GLIS3: variants seen among roughly 807,000 people sequenced by gnomAD.
The protein encoded by GLIS3 is GLIS family zinc finger 3.
GLIS3 carries 53 observed loss-of-function variants against 78.6 expected under a neutral mutation model. That is an observed-to-expected ratio of 0.67 (90% CI 0.54 to 0.85). The LOEUF (loss-of-function observed/expected upper bound fraction) is 0.85, where lower values mean the gene tolerates loss of function less well. Among genes scored for constraint, GLIS3 ranks in the 40% least tolerant of loss-of-function variants. The pLI is 0.00. For synonymous variants in GLIS3, 684 were observed against 509.9 expected, an observed-to-expected ratio of 1.34 and a Z score of -4.60; for missense variants, 1,703 against 1,231.1, an observed-to-expected ratio of 1.38 and a Z score of -5.74.
chr9:4,461,006 G>C, the GLIS3 span, among the ~76,000 whole-genome samples: 1 of 152,086 alleles, frequency 6.6e-6, no homozygotes, highest in African/African-American at 2.4e-5. Context: ...AATTTTTAAA[G>C]ACTACTAAGA....
chr9:3,862,929 C>G (rs374779799), intron 8 of GLIS3, among the ~76,000 whole-genome samples: 35 of 151,942 alleles, frequency 2.3e-4, no homozygotes, highest in African/African-American at 8.0e-4. Context: ...TTTTATTTCC[C>G]CAAAGAATTG....
At chr9:3,866,039 G>A (rs769735476) in intron 8 of GLIS3, among the ~76,000 whole-genome samples, 7 of 152,288 alleles carry the variant, frequency 4.6e-5, no homozygotes, top group Non-Finnish European at 7.4e-5. Context: ...GATTGTGGAG[G>A]TGGAAGAAGA....
At chr9:4,130,506 T>C (rs537165824) in intron 2 of GLIS3, among the ~76,000 whole-genome samples, 2 of 152,338 alleles carry the variant, frequency 1.3e-5, no homozygotes, top group African/African-American at 4.8e-5. Flanking sequence ...CCAGCAGCTC[T>C]AGCTCCAGTC....
At chr9:4,218,299 T>C (rs1821028848) in intron 2 of GLIS3, among the ~76,000 whole-genome samples, 1 of 152,224 alleles carries the variant, frequency 6.6e-6, no homozygotes, top group East Asian at 1.9e-4. Context: ...CTTTTTTTTT[T>C]TTGAGATGGA....
At chr9:4,281,719 C>T (rs1230395768) in intron 2 of GLIS3, among the ~76,000 whole-genome samples, 1 of 152,130 alleles carries the variant, frequency 6.6e-6, no homozygotes, top group Non-Finnish European at 1.5e-5. Context: ...ACATGGGTGT[C>T]AAAAGTACTT....
chr9:3,939,841 C>T (rs1033919096), intron 4 of GLIS3, among the ~76,000 whole-genome samples: 1 of 152,182 alleles, frequency 6.6e-6, no homozygotes, highest in African/African-American at 2.4e-5. Context: ...GAAGAATTCA[C>T]TTGCAGGAAC....
intron 2 of GLIS3, among the ~76,000 whole-genome samples, chr9:4,150,298 A>G (rs1007818188): frequency 6.6e-6 from 1 of 152,242 alleles, no homozygotes. Flanking sequence ...GCAGAGTCCA[A>G]CCAGCCACTG....
intron 2 of GLIS3, among the ~76,000 whole-genome samples, chr9:4,165,882 C>T (rs1835848174): frequency 6.6e-6 from 1 of 152,100 alleles, no homozygotes; most frequent in South Asian, 2.1e-4. Context: ...TGGGAATCTC[C>T]AATGTTTGGG....
At chr9:4,275,718 G>A (rs370438589) in intron 2 of GLIS3, among the ~76,000 whole-genome samples, 7 of 152,144 alleles carry the variant, frequency 4.6e-5, no homozygotes, top group East Asian at 1.9e-4. Context: ...AGCTATGATC[G>A]TGCTACTGCA....
At chr9:4,448,730 G>C in the GLIS3 span, among the ~76,000 whole-genome samples, 1 of 152,282 alleles carries the variant, frequency 6.6e-6, no homozygotes, top group African/African-American at 2.4e-5. Context: ...ATGTCCTTTT[G>C]ATCCCTAGCA....
chr9:4,033,292 CAA>C (rs1824006857), intron 4 of GLIS3, among the ~76,000 whole-genome samples: 1 of 152,094 alleles, frequency 6.6e-6, no homozygotes, highest in Non-Finnish European at 1.5e-5. Flanking sequence ...CTCCCTCACC[CAA>C]AACAGCTGTC....
the GLIS3 span, among the ~76,000 whole-genome samples, chr9:4,415,265 C>A: frequency 2.0e-5 from 3 of 152,298 alleles, no homozygotes; most frequent in Admixed American, 2.0e-4. Context: ...TGGTTAAGTT[C>A]TCAGCCTCAT....
intron 8 of GLIS3, among the ~76,000 whole-genome samples, chr9:3,877,596 G>C (rs1821402701): frequency 6.6e-6 from 1 of 151,988 alleles, no homozygotes; most frequent in East Asian, 1.9e-4. Flanking sequence ...CACTCTTTTT[G>C]TATTTTTCAG....
At chr9:3,834,699 T>C (rs1818246891) in intron 9 of GLIS3, among the ~76,000 whole-genome samples, 1 of 152,254 alleles carries the variant, frequency 6.6e-6, no homozygotes, top group South Asian at 2.1e-4. Context: ...TTAGATTTTT[T>C]AATACATCTA....
chr9:4,001,892 A>T (rs903762229), intron 4 of GLIS3, among the ~76,000 whole-genome samples: 8 of 152,288 alleles, frequency 5.3e-5, no homozygotes, highest in Admixed American at 5.2e-4. Flanking sequence ...TAATACTAGC[A>T]TTCTCCCATA....
intron 2 of GLIS3, among the ~76,000 whole-genome samples, chr9:4,336,512 A>AG (rs5896063): frequency 0.98 from 148,861 of 152,172 alleles, 72,900 homozygotes; most frequent in South Asian, 1. Flanking sequence ...TGTTGATATC[A>AG]CCCTTTCTCT....
intron 6 of GLIS3, among the ~76,000 whole-genome samples, chr9:3,928,150 C>T (rs954720441): frequency 1.7e-4 from 26 of 152,190 alleles, no homozygotes; most frequent in African/African-American, 5.1e-4. Flanking sequence ...CATCACTCTC[C>T]GTCACGTGCA....
chr9:4,211,133 T>A (rs1217293022), intron 2 of GLIS3, among the ~76,000 whole-genome samples: 1 of 152,210 alleles, frequency 6.6e-6, no homozygotes, highest in Non-Finnish European at 1.5e-5. Flanking sequence ...TCTAGCTCCA[T>A]CCTGACCACA....
At chr9:4,192,860 A>C (rs1266991188) in intron 2 of GLIS3, among the ~76,000 whole-genome samples, 1 of 152,196 alleles carries the variant, frequency 6.6e-6, no homozygotes, top group Non-Finnish European at 1.5e-5. Flanking sequence ...AAAGAGAAAA[A>C]TAAAGGTAAA....
Sources: gnomAD v4.1 joint callset for allele counts (sites outside exome capture counted in the v4.1 genomes callset) on GRCh38, gnomAD v4.1.1 for gene constraint, MANE v1.5 for transcripts, NCBI Gene and HGNC (gene_info 2026-07-23, HGNC 2026-07-21) for gene names.